Variants in NLGN1 observed in about 807,000 individuals in gnomAD.
NLGN1 encodes neuroligin-1.
In NLGN1, 12 loss-of-function variants were observed where a neutral mutation model predicts 65.5. The observed-to-expected ratio is 0.18, with a 90% CI of 0.12 to 0.30. The LOEUF (loss-of-function observed/expected upper bound fraction) is 0.30, where lower values mean the gene tolerates loss of function less well. NLGN1 is among the 10% of genes least tolerant of loss of function. The probability of loss-of-function intolerance (pLI) is 1.00; values close to 1 mark genes in which losing one functional copy is unlikely to be tolerated. For synonymous variants in NLGN1, 350 were observed against 359.5 expected (o/e 0.97, Z 0.30); for missense variants, 750 against 1,007.1 (o/e 0.74, Z 3.46).
At chr3:173,462,703 A>G (rs1362684850) in intron 2 of NLGN1, among the ~76,000 whole-genome samples, 2 of 152,084 alleles carry the variant, frequency 1.3e-5, no homozygotes, top group Admixed American at 1.3e-4. Flanking sequence ...TGTCTCTACC[A>G]TCATTTATTT....
intron 4 of NLGN1, among the ~76,000 whole-genome samples, chr3:173,809,149 G>A (rs1717341009): frequency 6.6e-6 from 1 of 152,118 alleles, no homozygotes; most frequent in Non-Finnish European, 1.5e-5. Context: ...GAATACACAT[G>A]AGTTCCTCCA....
chr3:173,412,506 C>CT lies in NLGN1; in HGVS notation c.-390+14029dup, dbSNP rs34980329. On this transcript the variant is annotated intron_variant, in intron 1 of 6. Transcript: ENST00000457714. ...TATTTATCTTTATTAGCACACTGAC[C>CT]TTTTTTTTTTAATGAGGAAATAGTC... Among the ~76,000 whole-genome samples the CT allele has an allele frequency of 5.5e-3, 812 of 146,546 alleles. 6 individuals carry two copies. Among genetic ancestry groups the CT allele is most frequent in the Non-Finnish European group, 7.3e-3 (480 of 66,128 alleles).
chr3:173,580,124 C>T (rs1400477384), intron 2 of NLGN1, among the ~76,000 whole-genome samples: 2 of 151,186 alleles, frequency 1.3e-5, no homozygotes, highest in East Asian at 3.9e-4. Context: ...TATGATTTTT[C>T]AAAAAAAACC....
intron 3 of NLGN1, among the ~76,000 whole-genome samples, chr3:173,630,576 T>A (rs1755534377): frequency 6.6e-6 from 1 of 152,176 alleles, no homozygotes. Flanking sequence ...ATTCACTTTT[T>A]TTTCAGTCAT....
intron 1 of NLGN1, among the ~76,000 whole-genome samples, chr3:173,425,625 G>A (rs531402181): frequency 1.2e-3 from 184 of 152,014 alleles, no homozygotes; most frequent in African/African-American, 4.2e-3. Flanking sequence ...TTGGTGTCTT[G>A]GTTGAAAATG....
At position 174,281,168 on chromosome 3, in the gene NLGN1, C is replaced by A. The variant is rs1322215571; in HGVS notation, c.2337C>A (p.Asn779Lys). The A allele has an allele frequency of 3.1e-6, 5 of 1,613,296 alleles. 1 individual carries two copies. In the Admixed American group the frequency reaches 8.3e-5, roughly 27 times the overall value. The change falls in exon 7 of 7, where the codon AAC becomes AAA. Residue 779 changes from asparagine to lysine, a missense_variant. Physicochemically the swap from Asn to Lys is moderately conservative, Grantham distance 94. Transcript: ENST00000457714. ...ATGATGTTCCCTTAATGACACCCAA[C>A]ACCATTACAATGATTCCCAACACTA... is the stretch of plus-strand genomic sequence containing the variant.
At chr3:173,887,588 A>C (rs1734586546) in intron 4 of NLGN1, among the ~76,000 whole-genome samples, 1 of 152,018 alleles carries the variant, frequency 6.6e-6, no homozygotes, top group Admixed American at 6.6e-5. Context: ...TTAGAGGCAG[A>C]GTTCTAACAG....
intron 4 of NLGN1, among the ~76,000 whole-genome samples, chr3:174,178,677 A>G (rs947035745): frequency 6.6e-6 from 1 of 152,030 alleles, no homozygotes; most frequent in Non-Finnish European, 1.5e-5. Flanking sequence ...ATCAAAGATG[A>G]TTTATTTCTC....
At chr3:174,276,534 C>G (rs1750621958) in intron 5 of NLGN1, among the ~76,000 whole-genome samples, 1 of 151,774 alleles carries the variant, frequency 6.6e-6, no homozygotes, top group African/African-American at 2.4e-5. Flanking sequence ...AAGTATAATT[C>G]ATGAAGTGTT....
chr3:173,659,757 G>T (rs766498975), intron 3 of NLGN1, among the ~76,000 whole-genome samples: 5 of 151,336 alleles, frequency 3.3e-5, no homozygotes, highest in Admixed American at 2.6e-4. Context: ...TTCTGTGTGC[G>T]TGTGTATGTG....
chr3:174,062,244 A>G (rs907274886), intron 4 of NLGN1, among the ~76,000 whole-genome samples: 15 of 152,096 alleles, frequency 9.9e-5, no homozygotes, highest in African/African-American at 3.6e-4. Flanking sequence ...GTGAGGGACA[A>G]TGGGCGGTTA....
Position 173,747,354 on chromosome 3 carries a change from A to G in NLGN1, c.494-60326A>G, listed in dbSNP as rs1157514490. Among the ~76,000 whole-genome samples, 20 of 82,652 alleles carry G rather than the reference A, an allele frequency of 2.4e-4. 1 individual carries two copies. The Admixed American group carries it at 2.6e-3, about 11-fold the overall frequency. The allele number at this position is 82,652 out of a possible 152,430, so 54.2% of individuals were successfully genotyped here. A position where few individuals can be genotyped will look rare whatever the true frequency, so the allele number is the denominator to read the frequency against. ...CATTTTATAATATGTATTTTAATAT[A>G]TATACTTAAAGATATATATATACTT... On this transcript the variant is annotated intron_variant, in intron 3 of 6. Transcript: ENST00000457714.
chr3:173,536,913 G>A (rs767819836), intron 2 of NLGN1, among the ~76,000 whole-genome samples: 3 of 152,178 alleles, frequency 2.0e-5, no homozygotes, highest in East Asian at 1.9e-4. Context: ...AAAGGCCTGA[G>A]AAACGAGAGC....
At chr3:174,084,972 T>A (rs1030591344) in intron 4 of NLGN1, among the ~76,000 whole-genome samples, 1 of 152,040 alleles carries the variant, frequency 6.6e-6, no homozygotes, top group Non-Finnish European at 1.5e-5. Flanking sequence ...TTGCAAATTA[T>A]CTTTGATTGT....
At chr3:173,940,859 A>G (rs1401566421) in intron 4 of NLGN1, among the ~76,000 whole-genome samples, 1 of 152,232 alleles carries the variant, frequency 6.6e-6, no homozygotes, top group Admixed American at 6.5e-5. Context: ...TTATTGTTAT[A>G]AATTTCATAC....
chr3:173,921,864 C>T (rs1742081643), intron 4 of NLGN1, among the ~76,000 whole-genome samples: 1 of 152,138 alleles, frequency 6.6e-6, no homozygotes, highest in South Asian at 2.1e-4. Flanking sequence ...CACTGGCTGA[C>T]TGAAACAGAC....
chr3:173,424,956 A>G (rs910899245), intron 1 of NLGN1, among the ~76,000 whole-genome samples: 2 of 152,198 alleles, frequency 1.3e-5, no homozygotes, highest in Non-Finnish European at 2.9e-5. Flanking sequence ...ACTTCTATAA[A>G]GATACTACCT....
intron 2 of NLGN1, among the ~76,000 whole-genome samples, chr3:173,568,566 T>C (rs919148010): frequency 1.3e-5 from 2 of 152,182 alleles, no homozygotes; most frequent in Non-Finnish European, 2.9e-5. Flanking sequence ...TTCCTCCTAA[T>C]TGAAATTTTA....
At chr3:173,745,088 C>T (rs1021985917) in intron 3 of NLGN1, among the ~76,000 whole-genome samples, 2 of 152,028 alleles carry the variant, frequency 1.3e-5, no homozygotes, top group African/African-American at 2.4e-5. Flanking sequence ...TGGAGCAGAC[C>T]GTGGCAAACA....
Sources: allele counts gnomAD v4.1 joint callset (sites outside exome capture counted in the v4.1 genomes callset), GRCh38; gene constraint gnomAD v4.1.1; transcripts MANE v1.5; gene names NCBI Gene and HGNC (gene_info 2026-07-23, HGNC 2026-07-21).